The following WDR7 variants were observed in gnomAD, a reference collection of about 807,000 sequenced individuals.
WDR7 encodes WD repeat domain 7, also known as WD repeat-containing protein 7.
WDR7 carries 46 observed loss-of-function variants against 169.4 expected under a neutral mutation model. The observed-to-expected ratio is 0.27, with a 90% CI of 0.21 to 0.35. The LOEUF (loss-of-function observed/expected upper bound fraction) is 0.35. Among genes scored for constraint, WDR7 ranks in the 10% least tolerant of loss-of-function variants. The probability of loss-of-function intolerance (pLI) is 1.00; values close to 1 mark genes in which losing one functional copy is unlikely to be tolerated. For synonymous variants in WDR7, 612 were observed against 666.8 expected (o/e 0.92, Z 1.27); for missense variants, 1,534 against 1,859.3 (o/e 0.83, Z 3.22).
Position 57,026,570 on chromosome 18 carries a change from T to G in WDR7, c.4270-434T>G, listed in dbSNP as rs377082941. The stretch of plus-strand genomic sequence containing the variant: ...TATCTACTGCTTAACTTTGCTTCCT[T>G]TTCTTGAACTAATTACAAATCCCAA... On this transcript the variant is annotated intron_variant, in intron 27 of 27. Coordinates refer to ENST00000254442, the MANE Select transcript of WDR7 (RefSeq NM_015285.3). Among the ~76,000 whole-genome samples, 150 of 152,308 alleles carry G rather than the reference T, an allele frequency of 9.8e-4. 1 individual carries two copies. The Middle Eastern group carries it at 0.014, about 14-fold the overall frequency.
intron 26 of WDR7, among the ~76,000 whole-genome samples, chr18:56,989,783 G>C (rs1015742943): frequency 6.6e-6 from 1 of 151,714 alleles, no homozygotes; most frequent in Non-Finnish European, 1.5e-5. Flanking sequence ...TATTCCCGTA[G>C]GTACAGTTCC....
chr18:56,826,168 G>T (rs1255145482), intron 20 of WDR7, among the ~76,000 whole-genome samples: 1 of 152,134 alleles, frequency 6.6e-6, no homozygotes, highest in African/African-American at 2.4e-5. Context: ...TCATGGATAA[G>T]GGTGAATTAC....
chr18:56,700,227 A>G (rs1010269456), intron 12 of WDR7, among the ~76,000 whole-genome samples: 1 of 150,550 alleles, frequency 6.6e-6, no homozygotes, highest in Non-Finnish European at 1.5e-5. Context: ...TTCATTTTTT[A>G]AAGATACTGT....
At chr18:56,848,753 T>C (rs2045601191) in intron 20 of WDR7, among the ~76,000 whole-genome samples, 1 of 152,022 alleles carries the variant, frequency 6.6e-6, no homozygotes, top group Admixed American at 6.6e-5. Flanking sequence ...GCTCGCTCTT[T>C]CTCTCTCACC....
intron 25 of WDR7, among the ~76,000 whole-genome samples, chr18:56,951,564 C>A (rs954097176): frequency 6.6e-6 from 1 of 152,028 alleles, no homozygotes; most frequent in Non-Finnish European, 1.5e-5. Flanking sequence ...AAACAAAATT[C>A]TCAAAGATAC....
chr18:56,717,458 T>C (rs951097), intron 12 of WDR7, among the ~76,000 whole-genome samples: 29,032 of 152,172 alleles, frequency 0.19, 3,364 homozygotes, highest in Admixed American at 0.28. Context: ...ACAGATAATG[T>C]GAATATCTAT....
chr18:56,828,526 A>G (rs1360876409), intron 20 of WDR7, among the ~76,000 whole-genome samples: 1 of 152,216 alleles, frequency 6.6e-6, no homozygotes, highest in Non-Finnish European at 1.5e-5. Context: ...AATAATAGAC[A>G]AGACGGATAT....
chr18:56,700,565 CT>C (rs71169389), intron 12 of WDR7, among the ~76,000 whole-genome samples: 1,802 of 115,230 alleles, frequency 0.016, 25 homozygotes, highest in African/African-American at 0.057. Flanking sequence ...AATATTGTTT[CT>C]TTTTTTTTTT....
chr18:56,941,790 C>T (rs945490189), intron 25 of WDR7, among the ~76,000 whole-genome samples: 4 of 152,142 alleles, frequency 2.6e-5, no homozygotes, highest in African/African-American at 9.7e-5. Flanking sequence ...CTCTGGTTTC[C>T]TCCCACATCC....
intron 21 of WDR7, among the ~76,000 whole-genome samples, chr18:56,895,195 C>G (rs1392668423): frequency 6.6e-6 from 1 of 151,706 alleles, no homozygotes; most frequent in Non-Finnish European, 1.5e-5. Flanking sequence ...TTTGGAAAAC[C>G]AAGGATATCC....
In WDR7 at chr18:56,718,027, C is replaced by T; in HGVS notation, c.1642C>T (p.Arg548Ter). Residue 548 changes from arginine (R) to a stop codon, truncating the protein, a stop_gained, in exon 13 of 28, where the codon CGA becomes TGA. Transcript: ENST00000254442. LOFTEE classifies it high-confidence loss of function. Reference sequence around the variant, plus strand: ...CCACTCAGTAGGACTTCTAAGTTTGCGAGAGAAAAAATGCATAATGTTGGC... The same window carrying T: ...CCACTCAGTAGGACTTCTAAGTTTGTGAGAGAAAAAATGCATAATGTTGGC... ...SDHSVGLLSL[R>*]EKKCIMLASR... is the part of the protein sequence containing the mutation. 3.7e-6 allele frequency: 6 copies of T among 1,614,036 alleles called. No individual in the cohort carries two copies. The highest frequency in any genetic ancestry group is 1.7e-5 in the Admixed American group (1 of 60,014).
intron 22 of WDR7, among the ~76,000 whole-genome samples, chr18:56,931,218 G>T (rs1369072808): frequency 6.6e-6 from 1 of 152,156 alleles, no homozygotes; most frequent in African/African-American, 2.4e-5. Flanking sequence ...GGGATCAGAT[G>T]ACACAAATGC....
In WDR7 at chr18:56,756,640, C is replaced by G. The variant is rs2043894589; in HGVS notation, c.2047C>G (p.Leu683Val). 6.2e-7 allele frequency: 1 copy of G among 1,613,694 alleles called. No homozygotes were observed. The highest frequency in any genetic ancestry group is 8.5e-7 in the Non-Finnish European group (1 of 1,179,960). The part of the protein sequence containing the change: ...SLMVQAIKTN[L>V]TDPDIHVLFF... Reference sequence around the variant, plus strand: ...GATGGTTCAAGCAATAAAGACAAACCTAACAGACCCGGACATACATGTGCT... The same window carrying G: ...GATGGTTCAAGCAATAAAGACAAACGTAACAGACCCGGACATACATGTGCT... Residue 683 changes from leucine to valine, a missense_variant, in exon 15 of 28, where the codon CTA (leucine) becomes GTA (valine). Leu to Val is a conservative substitution (Grantham distance 32, BLOSUM62 1). Coordinates refer to ENST00000254442, the MANE Select transcript of WDR7 (RefSeq NM_015285.3).
intron 20 of WDR7, among the ~76,000 whole-genome samples, chr18:56,866,973 A>G (rs2045890489): frequency 6.6e-6 from 1 of 152,088 alleles, no homozygotes; most frequent in African/African-American, 2.4e-5. Context: ...TACCCTGAAA[A>G]TATGTACATC....
At chr18:57,023,771 TCA>T (rs1345139564) in intron 27 of WDR7, among the ~76,000 whole-genome samples, 3 of 152,212 alleles carry the variant, frequency 2.0e-5, no homozygotes, top group Non-Finnish European at 2.9e-5. Context: ...TGAAATACAG[TCA>T]CAATTCTCTC....
At chr18:56,668,279 C>G (rs1000517503) in intron 1 of WDR7, among the ~76,000 whole-genome samples, 13 of 152,112 alleles carry the variant, frequency 8.5e-5, no homozygotes. Flanking sequence ...AATGTCAGCC[C>G]TACTATTTAC....
At chr18:56,913,417 A>G (rs1165548292) in intron 21 of WDR7, among the ~76,000 whole-genome samples, 1 of 152,072 alleles carries the variant, frequency 6.6e-6, no homozygotes, top group Non-Finnish European at 1.5e-5. Context: ...TGAGAATCAT[A>G]CTTTCTTTCT....
At chr18:56,773,118 T>C (rs1316245886) in intron 16 of WDR7, among the ~76,000 whole-genome samples, 1 of 152,174 alleles carries the variant, frequency 6.6e-6, no homozygotes, top group Non-Finnish European at 1.5e-5. Flanking sequence ...CAGTGCCTTC[T>C]TGTATAATAA....
At chr18:56,823,699 A>G (rs1218655606) in intron 20 of WDR7, among the ~76,000 whole-genome samples, 2 of 152,206 alleles carry the variant, frequency 1.3e-5, no homozygotes, top group East Asian at 3.8e-4. Context: ...ATGACCTGAC[A>G]TCTCAAACTT....
Sources: gnomAD v4.1 joint callset for allele counts (sites outside exome capture counted in the v4.1 genomes callset) on GRCh38, gnomAD v4.1.1 for gene constraint, MANE v1.5 for transcripts, NCBI Gene and HGNC (gene_info 2026-07-23, HGNC 2026-07-21) for gene names.